The following ZDHHC20 variants were observed in gnomAD, a reference collection of about 807,000 sequenced individuals.
ZDHHC20 encodes zDHHC palmitoyltransferase 20.
In ZDHHC20, 43 loss-of-function variants were observed where a neutral mutation model predicts 57.8. The ratio of observed to expected loss-of-function variants is 0.74; its 90% CI spans 0.58 to 0.96. The LOEUF (loss-of-function observed/expected upper bound fraction) is 0.96, where lower values mean the gene tolerates loss of function less well. Among genes scored for constraint, ZDHHC20 ranks in the 40% least tolerant of loss-of-function variants. ZDHHC20 has a pLI of 0.00. For synonymous variants in ZDHHC20, 157 were observed against 153.0 expected (o/e 1.03, Z -0.19); for missense variants, 391 against 441.1 (o/e 0.89, Z 1.02).
chr13:21,416,766 C>T (rs189277972), intron 3 of ZDHHC20, among the ~76,000 whole-genome samples: 116 of 152,226 alleles, frequency 7.6e-4, no homozygotes, highest in Non-Finnish European at 1.4e-3. Context: ...GAACAGCATA[C>T]AGAAAGCACA....
chr13:21,376,840 T>C, intron 12 of ZDHHC20, 185 bp from the exon 13 acceptor site: 1 of 375,308 alleles, frequency 2.7e-6, no homozygotes, highest in Non-Finnish European at 4.9e-6. Flanking sequence ...GGTATTACTG[T>C]CTTCCCCAGA....
chr13:21,381,885 A>G (rs1396506305), intron 10 of ZDHHC20: 3 of 553,964 alleles, frequency 5.4e-6, no homozygotes, highest in Non-Finnish European at 1.1e-5. Flanking sequence ...ATCTGTGGCC[A>G]GTACAAAACA....
intron 5 of ZDHHC20, among the ~76,000 whole-genome samples, chr13:21,402,171 T>C (rs1299162467): frequency 6.6e-6 from 1 of 152,200 alleles, no homozygotes; most frequent in African/African-American, 2.4e-5. Context: ...GCCCCTATGT[T>C]ATTTTAAACA....
chr13:21,451,100 A>C (rs1037581067), intron 1 of ZDHHC20, among the ~76,000 whole-genome samples: 16 of 152,164 alleles, frequency 1.1e-4, no homozygotes, highest in African/African-American at 3.9e-4. Context: ...CTTTTCCTAT[A>C]AGTATGCCAA....
At chr13:21,400,687 A>G (rs186615002) in intron 6 of ZDHHC20, among the ~76,000 whole-genome samples, 194 bp from the exon 7 acceptor site, 1 of 152,264 alleles carries the variant, frequency 6.6e-6, no homozygotes, top group East Asian at 1.9e-4. Flanking sequence ...CATACTTAAC[A>G]CTACTGAACT....
chr13:21,399,002 A>C (rs1877237757), intron 7 of ZDHHC20, among the ~76,000 whole-genome samples: 1 of 152,238 alleles, frequency 6.6e-6, no homozygotes, highest in Non-Finnish European at 1.5e-5. Flanking sequence ...TATTATCTTG[A>C]AATTTAAAGA....
intron 4 of ZDHHC20, among the ~76,000 whole-genome samples, chr13:21,407,186 G>A (rs1417555717): frequency 6.6e-6 from 1 of 152,020 alleles, no homozygotes; most frequent in Non-Finnish European, 1.5e-5. Context: ...AGTAGAGATG[G>A]GGTTTCACCA....
chr13:21,447,526 C>G (rs960487269), intron 1 of ZDHHC20, among the ~76,000 whole-genome samples: 1 of 147,302 alleles, frequency 6.8e-6, no homozygotes, highest in African/African-American at 2.5e-5. Context: ...GCGAGTGATC[C>G]GCCAGCCTTG....
chr13:21,405,326 T>C (rs1039045252), intron 4 of ZDHHC20, among the ~76,000 whole-genome samples: 1 of 152,232 alleles, frequency 6.6e-6, no homozygotes, highest in African/African-American at 2.4e-5. Context: ...CATAATTTAA[T>C]TGACTTTTCA....
chr13:21,431,257 T>C (rs2137955896), intron 1 of ZDHHC20, among the ~76,000 whole-genome samples: 1 of 152,206 alleles, frequency 6.6e-6, no homozygotes, highest in Middle Eastern at 3.4e-3. Context: ...TTTTACACAG[T>C]GGAGGCAAGA....
intron 8 of ZDHHC20, among the ~76,000 whole-genome samples, chr13:21,388,754 A>C (rs942589215): frequency 2.0e-5 from 3 of 152,244 alleles, no homozygotes; most frequent in Non-Finnish European, 4.4e-5. Flanking sequence ...TTATGGAGTA[A>C]GACATCCTTC....
At chr13:21,392,276 CCAA>C (rs2137732028) in intron 7 of ZDHHC20, among the ~76,000 whole-genome samples, 1 of 151,956 alleles carries the variant, frequency 6.6e-6, no homozygotes, top group East Asian at 1.9e-4. Flanking sequence ...ACTCTTCTAC[CCAA>C]CAAATTTTCT....
At chr13:21,439,133 C>CA (rs949898862) in intron 1 of ZDHHC20, among the ~76,000 whole-genome samples, 4 of 152,206 alleles carry the variant, frequency 2.6e-5, no homozygotes, top group African/African-American at 9.6e-5. Flanking sequence ...ATTTTCCCAC[C>CA]AAGGTATGCC....
chr13:21,441,446 C>T (rs1018991940), intron 1 of ZDHHC20, among the ~76,000 whole-genome samples: 5 of 148,784 alleles, frequency 3.4e-5, no homozygotes, highest in South Asian at 2.1e-4. Context: ...AGTGCAGTGG[C>T]GCGATCTCCA....
intron 7 of ZDHHC20, among the ~76,000 whole-genome samples, chr13:21,395,358 G>A (rs1274998960): frequency 5.3e-5 from 8 of 151,386 alleles, no homozygotes; most frequent in Admixed American, 3.3e-4. Context: ...AAGCCACCGC[G>A]CCCGGCCTAA....
intron 1 of ZDHHC20, among the ~76,000 whole-genome samples, chr13:21,434,536 C>G (rs1243924835): frequency 6.6e-6 from 1 of 152,170 alleles, no homozygotes; most frequent in African/African-American, 2.4e-5. Flanking sequence ...TAATTTGTAT[C>G]TCTGCAGTCA....
chr13:21,420,604 C>T (rs1043452148), intron 3 of ZDHHC20, among the ~76,000 whole-genome samples: 2 of 152,196 alleles, frequency 1.3e-5, no homozygotes, highest in African/African-American at 4.8e-5. Flanking sequence ...CCAAATGGAA[C>T]CTCCAATTAG....
In ZDHHC20 at chr13:21,372,974, T is replaced by C. The variant is rs1186946475; in HGVS notation, c.*3722A>G. On this transcript the variant is annotated 3_prime_UTR_variant, in exon 13 of 13. Coordinates refer to ENST00000400590, the MANE Select transcript of ZDHHC20 (RefSeq NM_001330059.2). ...ACAAAATAATATAGAATGAAGTCAT[T>C]AGAAAAATATGAACCTTTCTGAATC... 1.3e-5 allele frequency: 2 copies of C among 152,180 alleles called. No individual in the cohort carries two copies. Among genetic ancestry groups the C allele is most frequent in the Admixed American group, 1.3e-4 (2 of 15,274 alleles). 9.4% of individuals were successfully genotyped at this position (152,180 alleles called of 1,614,324 possible).
At chr13:21,433,474 G>T (rs370752103) in intron 1 of ZDHHC20, among the ~76,000 whole-genome samples, 1 of 151,994 alleles carries the variant, frequency 6.6e-6, no homozygotes, top group Non-Finnish European at 1.5e-5. Context: ...AAAATTAGCC[G>T]GGCGTGGTGG....
Sources: allele counts gnomAD v4.1 joint callset (sites outside exome capture counted in the v4.1 genomes callset), GRCh38; gene constraint gnomAD v4.1.1; transcripts MANE v1.5; gene names NCBI Gene and HGNC (gene_info 2026-07-23, HGNC 2026-07-21).